Variants in MTMR3 observed in about 807,000 individuals in gnomAD.
MTMR3 encodes the protein phosphatidylinositol-3,5-bisphosphate 3-phosphatase MTMR3.
A neutral mutation model predicts 132.4 loss-of-function variants in MTMR3; 32 were observed. The ratio of observed to expected loss-of-function variants is 0.24; its 90% confidence interval spans 0.18 to 0.32. The LOEUF (loss-of-function observed/expected upper bound fraction) is 0.32. MTMR3 is among the 10% of genes least tolerant of loss of function. The pLI is 1.00. For missense variants in MTMR3, 1,216 were observed against 1,489.6 expected (o/e 0.82, Z 3.02); for synonymous variants, 556 against 550.3 (o/e 1.01, Z -0.14).
chr22:29,893,192 A>C (rs1174957137), intron 1 of MTMR3, among the ~76,000 whole-genome samples: 3 of 152,188 alleles, frequency 2.0e-5, no homozygotes, highest in African/African-American at 7.2e-5. Context: ...TTCCGTAGTG[A>C]GATTGTTCCT....
chr22:29,969,801 A>G (rs534207178), intron 2 of MTMR3, among the ~76,000 whole-genome samples: 3 of 152,260 alleles, frequency 2.0e-5, no homozygotes, highest in Non-Finnish European at 2.9e-5. Flanking sequence ...GAATGCTGGG[A>G]TTACAGGCGT....
chr22:29,967,537 ATT>A (rs530917141), intron 2 of MTMR3, among the ~76,000 whole-genome samples: 4 of 141,470 alleles, frequency 2.8e-5, no homozygotes, highest in African/African-American at 2.6e-5. Context: ...TGGCTTCTGT[ATT>A]TTTTTTTTTT....
rs1015770284 is a variant in MTMR3, at chr22:30,027,516, A to G, written c.*1715A>G. On this transcript the variant is annotated 3_prime_UTR_variant, in exon 20 of 20. Coordinates refer to ENST00000401950, the MANE Select transcript of MTMR3 (RefSeq NM_021090.4). ...TTCTTTTCCACATTCTGTGTCATCT[A>G]GTCGTGCAGGTAGGGAAAAAGTTGG... The G allele has an allele frequency of 2.0e-5, 3 of 152,788 alleles. No individual in the cohort carries two copies. The highest frequency in any genetic ancestry group is 6.5e-5 in the Admixed American group (1 of 15,278). The allele number at this position is 152,788 out of a possible 1,614,324, so 9.5% of individuals were successfully genotyped here.
intron 1 of MTMR3, among the ~76,000 whole-genome samples, chr22:29,900,562 T>G (rs1460480236): frequency 6.6e-6 from 1 of 152,174 alleles, no homozygotes; most frequent in Non-Finnish European, 1.5e-5. Context: ...GGCACTACCC[T>G]GTGATTTATT....
intron 1 of MTMR3, among the ~76,000 whole-genome samples, chr22:29,889,608 T>TA (rs953883363): frequency 0.019 from 2,870 of 150,000 alleles, 84 homozygotes; most frequent in African/African-American, 0.065. Context: ...TAGTGTTTTT[T>TA]AAAAAAAAAA....
intron 1 of MTMR3, among the ~76,000 whole-genome samples, chr22:29,900,045 CTTT>C (rs1361798648): frequency 6.6e-6 from 1 of 152,156 alleles, no homozygotes; most frequent in Non-Finnish European, 1.5e-5. Context: ...GCCATTTAAC[CTTT>C]TTATTATGAT....
chr22:30,007,391 C>T, intron 10 of MTMR3, 72 bp downstream of exon 10: 2 of 1,393,372 alleles, frequency 1.4e-6, no homozygotes, highest in East Asian at 2.3e-5. Flanking sequence ...ATGGCCTCTT[C>T]CTTACAAGAC....
chr22:30,022,424 G>A, intron 18 of MTMR3, 185 bp from the exon 19 acceptor site: 1 of 629,764 alleles, frequency 1.6e-6, no homozygotes. Context: ...TCTCAGGGGA[G>A]ATTGGAGTCC....
At chr22:29,912,811 GT>G (rs1255655120) in intron 1 of MTMR3, among the ~76,000 whole-genome samples, 1 of 152,168 alleles carries the variant, frequency 6.6e-6, no homozygotes, top group Non-Finnish European at 1.5e-5. Context: ...CAAGATTGTG[GT>G]AAGCTAAGTA....
Position 30,025,981 on chromosome 22 carries a change from T to TC in MTMR3, c.*183dup. On this transcript the variant is annotated 3_prime_UTR_variant, in exon 20 of 20. Transcript: ENST00000401950. Reference sequence around the variant, plus strand: ...TGATTTTTCTTTCCTGTCCCCCTACTCCCTCCCTACCTTTTCCATCCTCCT... The same window carrying TC: ...TGATTTTTCTTTCCTGTCCCCCTACTCCCCTCCCTACCTTTTCCATCCTCCT... 1 of 568,128 alleles carries TC rather than the reference T, an allele frequency of 1.8e-6. No individual in the cohort carries two copies. The highest frequency in any genetic ancestry group is 3.1e-6 in the Non-Finnish European group (1 of 326,448). The allele number at this position is 568,128 out of a possible 1,614,324, so 35.2% of individuals were successfully genotyped here. A position where few individuals can be genotyped will look rare whatever the true frequency, so the allele number is the denominator to read the frequency against.
intron 1 of MTMR3, among the ~76,000 whole-genome samples, chr22:29,894,071 C>T (rs2064847805): frequency 6.6e-6 from 1 of 152,126 alleles, no homozygotes; most frequent in Non-Finnish European, 1.5e-5. Context: ...TCTTGAACTC[C>T]TGACCGCAGG....
At chr22:30,006,865 T>C (rs1442957884) in intron 9 of MTMR3, 2 of 449,102 alleles carry the variant, frequency 4.5e-6, no homozygotes, top group African/African-American at 4.0e-5. Context: ...TGACCCCTGT[T>C]AGTCATTTTT....
chr22:29,952,421 T>TA (rs757779809), intron 1 of MTMR3, among the ~76,000 whole-genome samples: 1 of 151,470 alleles, frequency 6.6e-6, no homozygotes, highest in Admixed American at 6.6e-5. Context: ...TTTTTTTTTT[T>TA]AAAATCATGT....
At chr22:29,905,244 A>G (rs921866288) in intron 1 of MTMR3, among the ~76,000 whole-genome samples, 2 of 152,170 alleles carry the variant, frequency 1.3e-5, no homozygotes, top group Non-Finnish European at 2.9e-5. Context: ...ACCTGCCTAT[A>G]TGAAAAGCTA....
At chr22:29,910,538 G>A (rs2065190753) in intron 1 of MTMR3, among the ~76,000 whole-genome samples, 1 of 152,124 alleles carries the variant, frequency 6.6e-6, no homozygotes, top group African/African-American at 2.4e-5. Context: ...CTATGTGAGT[G>A]CTACATGAAT....
intron 3 of MTMR3, among the ~76,000 whole-genome samples, chr22:29,975,536 A>G (rs1163687439): frequency 1.3e-5 from 2 of 152,224 alleles, no homozygotes; most frequent in African/African-American, 4.8e-5. Flanking sequence ...AAAAAGGAAG[A>G]GTATTTTAAG....
At chr22:29,888,869 G>A (rs180942916) in intron 1 of MTMR3, among the ~76,000 whole-genome samples, 1 of 150,278 alleles carries the variant, frequency 6.7e-6, no homozygotes, top group East Asian at 2.0e-4. Flanking sequence ...CGCCTCCTGG[G>A]TTCAAGTGAT....
intron 1 of MTMR3, among the ~76,000 whole-genome samples, chr22:29,884,129 A>C (rs2064614371): frequency 6.6e-6 from 1 of 152,180 alleles, no homozygotes. Flanking sequence ...GGAATTTGAT[A>C]ATCTCACTTG....
At chr22:29,942,909 C>G (rs1023631398) in intron 1 of MTMR3, among the ~76,000 whole-genome samples, 1 of 152,184 alleles carries the variant, frequency 6.6e-6, no homozygotes, top group Non-Finnish European at 1.5e-5. Flanking sequence ...AGGTGACATA[C>G]ATCCTCCTCA....
Sources: allele counts gnomAD v4.1 joint callset (sites outside exome capture counted in the v4.1 genomes callset), GRCh38; gene constraint gnomAD v4.1.1; transcripts MANE v1.5; gene names NCBI Gene and HGNC (gene_info 2026-07-23, HGNC 2026-07-21).